SLC7A11: variants seen among roughly 807,000 people sequenced by gnomAD.
The protein encoded by SLC7A11 is solute carrier family 7 member 11, also known as cystine/glutamate transporter.
A neutral mutation model predicts 54.5 loss-of-function variants in SLC7A11; 35 were observed. The observed-to-expected ratio is 0.64, with a 90% confidence interval of 0.49 to 0.85. SLC7A11 has a LOEUF of 0.85. Among genes scored for constraint, SLC7A11 ranks in the 40% least tolerant of loss-of-function variants. The probability of loss-of-function intolerance (pLI) is 0.00; values close to 1 mark genes in which losing one functional copy is unlikely to be tolerated. For missense variants in SLC7A11, 583 were observed against 618.1 expected, an observed-to-expected ratio of 0.94 and a Z score of 0.60; for synonymous variants, 230 against 225.2, an observed-to-expected ratio of 1.02 and a Z score of -0.19.
chr4:138,231,167 A>G (rs1460277306), intron 3 of SLC7A11, among the ~76,000 whole-genome samples: 3 of 152,072 alleles, frequency 2.0e-5, no homozygotes, highest in African/African-American at 7.2e-5. Context: ...GAAATAATAG[A>G]CATCGGAGAC....
In SLC7A11 at chr4:138,179,214, T is replaced by TA; in HGVS notation, c.1444+2dup. 1 of 1,586,400 alleles carries TA rather than the reference T, an allele frequency of 6.3e-7. No individual in the cohort carries two copies. Among genetic ancestry groups the TA allele is most frequent in the Non-Finnish European group, 8.7e-7 (1 of 1,155,814 alleles). On this transcript the variant is annotated splice_region_variant and intron_variant, in intron 11 of 11. Coordinates refer to ENST00000280612, the MANE Select transcript of SLC7A11 (RefSeq NM_014331.4). Reference sequence around the variant, plus strand: ...ATGTCCTGAAAGTATTTAAAATTCTTACCCGACATTATTCTAAACCACCTG... The same window carrying TA: ...ATGTCCTGAAAGTATTTAAAATTCTTAACCCGACATTATTCTAAACCACCTG...
intron 6 of SLC7A11, among the ~76,000 whole-genome samples, chr4:138,196,901 A>C (rs554813719): frequency 3.9e-5 from 6 of 152,164 alleles, no homozygotes; most frequent in East Asian, 3.9e-4. Flanking sequence ...CTCTGGTGAT[A>C]CGCCCACCTT....
At chr4:138,239,650 A>T (rs1738329265) in intron 1 of SLC7A11, among the ~76,000 whole-genome samples, 1 of 151,400 alleles carries the variant, frequency 6.6e-6, no homozygotes, top group African/African-American at 2.4e-5. Flanking sequence ...AATGTTAGCT[A>T]GTCTCCTTAG....
intron 6 of SLC7A11, among the ~76,000 whole-genome samples, chr4:138,191,418 G>A (rs1180352761): frequency 3.9e-5 from 6 of 152,158 alleles, no homozygotes; most frequent in African/African-American, 1.4e-4. Flanking sequence ...AGAGAGACCT[G>A]TAGGGAGATG....
At chr4:138,207,269 T>A (rs1051451275) in intron 6 of SLC7A11, among the ~76,000 whole-genome samples, 5 of 152,098 alleles carry the variant, frequency 3.3e-5, no homozygotes, top group Admixed American at 2.6e-4. Context: ...GTAGATAACA[T>A]TGACTTGTAA....
intron 6 of SLC7A11, among the ~76,000 whole-genome samples, chr4:138,212,968 A>G (rs956394446): frequency 1.3e-5 from 2 of 151,976 alleles, no homozygotes; most frequent in Non-Finnish European, 2.9e-5. Flanking sequence ...ATAGTAATTT[A>G]TTTCCCGTAA....
intron 6 of SLC7A11, among the ~76,000 whole-genome samples, chr4:138,203,416 A>G (rs569438010): frequency 2.0e-5 from 3 of 152,022 alleles, no homozygotes; most frequent in South Asian, 2.1e-4. Flanking sequence ...TTGTTCTTCC[A>G]TTGTCAGGGA....
intron 7 of SLC7A11, among the ~76,000 whole-genome samples, chr4:138,184,886 G>T (rs1445318974): frequency 6.6e-6 from 1 of 152,166 alleles, no homozygotes; most frequent in Non-Finnish European, 1.5e-5. Flanking sequence ...AAGCATGTAT[G>T]TGTGAAACTG....
At chr4:138,192,394 G>A (rs761589233) in intron 6 of SLC7A11, among the ~76,000 whole-genome samples, 4 of 152,158 alleles carry the variant, frequency 2.6e-5, no homozygotes, top group Non-Finnish European at 5.9e-5. Context: ...GCCACATGAT[G>A]AAAGGAATAC....
rs76702927 is a variant in SLC7A11 at position 138,183,260 on chromosome 4, T to C, written c.961A>G (p.Ile321Val). The part of the protein sequence containing the change: ...LLGNFSLAVP[I>V]FVALSCFGSM... ...CCAAAGCAGGAGAGGGCAACAAAGA[T>C]CGGAACTGCTAATGAGAAATTTCCC... Residue 321 changes from isoleucine to valine, a missense_variant, in exon 8 of 12, where the codon ATC becomes GTC. Physicochemically the swap from Ile to Val is conservative, Grantham distance 29. Transcript: ENST00000280612. 5,053 of 1,612,038 alleles carry C rather than the reference T, an allele frequency of 3.1e-3. 58 individuals carry two copies. In the East Asian group the frequency reaches 0.033, roughly 11 times the overall value.
chr4:138,222,671 T>C (rs74968293), intron 4 of SLC7A11, among the ~76,000 whole-genome samples: 9,032 of 152,312 alleles, frequency 0.059, 642 homozygotes, highest in East Asian at 0.39. Context: ...ATTAAGTTTT[T>C]ACAACTATTT....
At chr4:138,200,936 C>G (rs975996663) in intron 6 of SLC7A11, among the ~76,000 whole-genome samples, 1 of 151,998 alleles carries the variant, frequency 6.6e-6, no homozygotes, top group Non-Finnish European at 1.5e-5. Flanking sequence ...ATAATAAATC[C>G]TTTGCTATCT....
intron 6 of SLC7A11, among the ~76,000 whole-genome samples, chr4:138,188,363 G>T (rs1446251190): frequency 6.6e-6 from 1 of 152,130 alleles, no homozygotes; most frequent in Non-Finnish European, 1.5e-5. Context: ...ACGCCCAGCT[G>T]ATAATTAGAT....
intron 2 of SLC7A11, among the ~76,000 whole-genome samples, chr4:138,233,473 C>T (rs532228945): frequency 1.9e-4 from 29 of 152,194 alleles, no homozygotes; most frequent in Middle Eastern, 3.4e-3. Context: ...CGTGAGCCAC[C>T]GTGCCCGGCA....
chr4:138,192,103 T>G (rs1737026292), intron 6 of SLC7A11, among the ~76,000 whole-genome samples: 1 of 152,162 alleles, frequency 6.6e-6, no homozygotes. Flanking sequence ...TAAACGATTT[T>G]TATAATAGTG....
intron 6 of SLC7A11, among the ~76,000 whole-genome samples, chr4:138,194,703 T>A (rs539453563): frequency 6.6e-6 from 1 of 152,166 alleles, no homozygotes; most frequent in Non-Finnish European, 1.5e-5. Flanking sequence ...ATTCACTTGA[T>A]TTCACAGAAT....
At chr4:138,237,723 A>ATATATATATATATATG (rs1738256166) in intron 1 of SLC7A11, among the ~76,000 whole-genome samples, 1 of 7,874 alleles carries the variant, frequency 1.3e-4, no homozygotes, top group African/African-American at 4.3e-4. Flanking sequence ...ATATATATAT[A>ATATATATATATATATG]TATATATATA....
chr4:138,189,206 T>C (rs1442205377), intron 6 of SLC7A11, among the ~76,000 whole-genome samples: 2 of 151,312 alleles, frequency 1.3e-5, no homozygotes, highest in African/African-American at 4.9e-5. Context: ...CCTATAATGA[T>C]GGCAGGCAAC....
intron 3 of SLC7A11, 151 bp from the exon 4 acceptor site, chr4:138,223,475 A>C (rs1311088982): frequency 1.3e-6 from 1 of 766,490 alleles, no homozygotes; most frequent in African/African-American, 1.8e-5. Flanking sequence ...GCTCTGCCCC[A>C]GGCCTAATGA....
Sources: gnomAD v4.1 joint callset for allele counts (sites outside exome capture counted in the v4.1 genomes callset) on GRCh38, gnomAD v4.1.1 for gene constraint, MANE v1.5 for transcripts, NCBI Gene and HGNC (gene_info 2026-07-23, HGNC 2026-07-21) for gene names.